ANKH: variants seen among roughly 807,000 people sequenced by gnomAD.
The protein encoded by ANKH is ANKH inorganic pyrophosphate transport regulator.
Under a neutral mutation model 49.0 loss-of-function variants are expected in ANKH, and 15 were observed. The ratio of observed to expected loss-of-function variants is 0.31; its 90% CI spans 0.20 to 0.47. The LOEUF (loss-of-function observed/expected upper bound fraction) is 0.47. Ranked by LOEUF, ANKH falls within the 20% of genes least tolerant of loss-of-function variation. The probability of loss-of-function intolerance (pLI) is 1.00; values close to 1 mark genes in which losing one functional copy is unlikely to be tolerated. For synonymous variants in ANKH, 273 were observed against 260.0 expected (o/e 1.05, Z -0.48); for missense variants, 429 against 652.0 (o/e 0.66, Z 3.72).
chr5:14,731,940 G>A lies in ANKH; in HGVS notation c.1011+9887C>T, dbSNP rs530283688. ...ACACACGGGAGGCCCAGGGAGCTGCGCGAGTGTCACGTGAACAGGGGTCAT... is the reference window on the plus strand; with the variant it reads ...ACACACGGGAGGCCCAGGGAGCTGCACGAGTGTCACGTGAACAGGGGTCAT... On this transcript the variant is annotated intron_variant, in intron 8 of 11. Transcript: ENST00000284268. Among the ~76,000 whole-genome samples the A allele has an allele frequency of 1.1e-3, 175 of 152,326 alleles. 1 individual carries two copies. The highest frequency in any genetic ancestry group is 3.4e-3 in the Middle Eastern group (1 of 294).
In ANKH at chr5:14,711,244, T is replaced by G; in HGVS notation, c.1432A>C (p.Thr478Pro). The G allele has an allele frequency of 6.2e-7, 1 of 1,614,132 alleles. No individual in the cohort carries two copies. The highest frequency in any genetic ancestry group is 1.7e-5 in the Admixed American group (1 of 60,020). ...TCCACGATGTCTGTCACCTCCTCTG[T>G]CGGAGGCATGTCTGTCATGGCAGAG... ...EDSAMTDMPP[T>P]EEVTDIVEMR... Residue 478 changes from threonine (T) to proline (P), a missense_variant, in exon 12 of 12, where the codon ACA becomes CCA. Around this residue, in one of 2 missense-constraint regions of ANKH, gnomAD observed 51 missense variants for 36.7 expected, o/e 1.39. Coordinates refer to ENST00000284268, the MANE Select transcript of ANKH (RefSeq NM_054027.6).
At position 14,758,590 on chromosome 5, in the gene ANKH, C is replaced by T; in HGVS notation, c.322G>A (p.Asp108Asn). Residue 108 changes from aspartate to asparagine, a missense_variant, in exon 3 of 12, where the codon GAT becomes AAT. Physicochemically the swap from Asp to Asn is conservative, Grantham distance 23. Transcript: ENST00000284268. ...TTATTGATAATGTAGTATCCTAAAT[C>T]ACTATAAGCTGCAAAGTGTCGAAAG... ...AVFHTLIAYSDLGYYIINKLH... is the reference protein window; with the variant it reads ...AVFHTLIAYSNLGYYIINKLH... The T allele has an allele frequency of 6.2e-7, 1 of 1,606,652 alleles. No homozygotes were observed. Among genetic ancestry groups the T allele is most frequent in the Non-Finnish European group, 8.5e-7 (1 of 1,173,194 alleles).
chr5:14,716,565 T>TG, intron 9 of ANKH, 141 bp downstream of exon 9: 1 of 1,021,392 alleles, frequency 9.8e-7, no homozygotes, highest in South Asian at 1.4e-5. Context: ...TTTAACCTAC[T>TG]GGCTAATGTT....
chr5:14,848,216 T>G (rs151053066), intron 1 of ANKH, among the ~76,000 whole-genome samples: 1 of 152,186 alleles, frequency 6.6e-6, no homozygotes, highest in Non-Finnish European at 1.5e-5. Context: ...CACCCACCTT[T>G]AAACGTGGGG....
intron 1 of ANKH, among the ~76,000 whole-genome samples, chr5:14,786,333 T>C (rs1739974905): frequency 6.6e-6 from 1 of 152,234 alleles, no homozygotes; most frequent in African/African-American, 2.4e-5. Context: ...GAAGACATAA[T>C]GTCATAAATA....
At chr5:14,818,826 G>A (rs1741118929) in intron 1 of ANKH, among the ~76,000 whole-genome samples, 1 of 152,002 alleles carries the variant, frequency 6.6e-6, no homozygotes, top group South Asian at 2.1e-4. Context: ...CATCGTTCTG[G>A]TCGCCGACTC....
At chr5:14,781,529 AAT>A (rs1228232986) in intron 1 of ANKH, among the ~76,000 whole-genome samples, 11 of 152,242 alleles carry the variant, frequency 7.2e-5, no homozygotes, top group Non-Finnish European at 1.5e-4. Context: ...TGGTGTCTTC[AAT>A]ATGTCAGGAG....
At chr5:14,842,196 A>T (rs1290418779) in intron 1 of ANKH, among the ~76,000 whole-genome samples, 1 of 152,218 alleles carries the variant, frequency 6.6e-6, no homozygotes, top group Non-Finnish European at 1.5e-5. Flanking sequence ...ACAGCTAATT[A>T]GGGTCCTCTC....
intron 8 of ANKH, among the ~76,000 whole-genome samples, chr5:14,726,248 C>T (rs986167254): frequency 1.3e-5 from 2 of 152,154 alleles, no homozygotes; most frequent in Non-Finnish European, 2.9e-5. Flanking sequence ...GCTGACGCAG[C>T]CATAAGGAAT....
At chr5:14,825,421 G>T (rs1365313844) in intron 1 of ANKH, among the ~76,000 whole-genome samples, 1 of 152,016 alleles carries the variant, frequency 6.6e-6, no homozygotes, top group African/African-American at 2.4e-5. Flanking sequence ...GCACAATCTT[G>T]GCTCACTGCA....
intron 8 of ANKH, among the ~76,000 whole-genome samples, chr5:14,730,376 T>G (rs535910841): frequency 6.6e-6 from 1 of 152,066 alleles, no homozygotes; most frequent in Non-Finnish European, 1.5e-5. Context: ...TCAAAACTTA[T>G]GGAAAAGAGG....
chr5:14,807,113 CTTTTT>C (rs35180875), intron 1 of ANKH, among the ~76,000 whole-genome samples: 3 of 127,710 alleles, frequency 2.3e-5, no homozygotes, highest in Non-Finnish European at 3.3e-5. Context: ...CATGATATTT[CTTTTT>C]TTTTTTTTTT....
intron 7 of ANKH, among the ~76,000 whole-genome samples, chr5:14,744,961 T>C (rs1185294606): frequency 6.6e-6 from 1 of 151,994 alleles, no homozygotes; most frequent in Non-Finnish European, 1.5e-5. Context: ...TTACCCAGGG[T>C]CCAAGGCCAA....
chr5:14,745,266 A>T lies in ANKH; in HGVS notation c.915+604T>A, dbSNP rs1738495260. On this transcript the variant is annotated intron_variant, in intron 7 of 11. Coordinates refer to ENST00000284268, the MANE Select transcript of ANKH (RefSeq NM_054027.6). This position sits in a 1 kb window ranked among gnomAD's most constrained non-coding sequence, Gnocchi z 4.7. ...GGTTTAAATGATAACGCTATAAAAT[A>T]GACTTTAATTGAATGACAGCAGGAC... is the stretch of plus-strand genomic sequence containing the variant. Among the ~76,000 whole-genome samples, 1 of 152,260 alleles carries T rather than the reference A, an allele frequency of 6.6e-6. No homozygotes were observed. The highest frequency in any genetic ancestry group is 2.1e-4 in the South Asian group (1 of 4,832).
chr5:14,757,345 C>T (rs749848328), intron 3 of ANKH, among the ~76,000 whole-genome samples: 6 of 150,916 alleles, frequency 4.0e-5, no homozygotes, highest in Non-Finnish European at 8.8e-5. Context: ...TTTAAGTCTC[C>T]TTCCAAGAAT....
chr5:14,844,166 C>T (rs1208289773), intron 1 of ANKH, among the ~76,000 whole-genome samples: 1 of 152,172 alleles, frequency 6.6e-6, no homozygotes, highest in African/African-American at 2.4e-5. Context: ...TGTGGTGTAA[C>T]ATAAAGCCTT....
intron 1 of ANKH, among the ~76,000 whole-genome samples, chr5:14,845,057 C>T (rs1161053339): frequency 6.7e-6 from 1 of 149,738 alleles, no homozygotes; most frequent in Non-Finnish European, 1.5e-5. Flanking sequence ...CCTTTTCCTA[C>T]AACTGAACTT....
intron 1 of ANKH, among the ~76,000 whole-genome samples, chr5:14,784,970 C>A (rs953522312): frequency 6.6e-6 from 1 of 152,186 alleles, no homozygotes; most frequent in Non-Finnish European, 1.5e-5. Flanking sequence ...GAAAGCTCCA[C>A]TGGTCAGCGC....
In ANKH at chr5:14,710,934, G is replaced by A. The variant is rs1249900476; in HGVS notation, c.*263C>T. 3 of 450,474 alleles carry A rather than the reference G, an allele frequency of 6.7e-6. No individual in the cohort carries two copies. The highest frequency in any genetic ancestry group is 6.8e-5 in the Admixed American group (2 of 29,604). 27.9% of individuals were successfully genotyped at this position (450,474 alleles called of 1,614,324 possible). A position where few individuals can be genotyped will look rare whatever the true frequency, so the allele number is the denominator to read the frequency against. ...CAACCGTGAGGCAGCTGTGTCTTTT[G>A]GGTTTTCGTGAGGCAGGGGTATGAA... On this transcript the variant is annotated 3_prime_UTR_variant, in exon 12 of 12. Coordinates refer to ENST00000284268, the MANE Select transcript of ANKH (RefSeq NM_054027.6).
Sources: allele counts gnomAD v4.1 joint callset (sites outside exome capture counted in the v4.1 genomes callset), GRCh38; gene constraint gnomAD v4.1.1; regional missense constraint gnomAD v4.1.1; non-coding constraint Gnocchi (gnomAD v3.1); transcripts MANE v1.5; gene names NCBI Gene and HGNC (gene_info 2026-07-23, HGNC 2026-07-21).